Variants in GPR158 observed in about 807,000 individuals in gnomAD.
GPR158 encodes G protein-coupled receptor 158, also known as metabotropic glycine receptor.
In GPR158, 30 loss-of-function variants were observed where a neutral mutation model predicts 78.2. The ratio of observed to expected loss-of-function variants is 0.38; its 90% confidence interval spans 0.29 to 0.52. The LOEUF is 0.52. Ranked by LOEUF, GPR158 falls within the 20% of genes least tolerant of loss-of-function variation. The probability of loss-of-function intolerance (pLI) is 0.83; values close to 1 mark genes in which losing one functional copy is unlikely to be tolerated. For missense variants in GPR158, 1,463 were observed against 1,523.5 expected (o/e 0.96, Z 0.66); for synonymous variants, 581 against 591.1 (o/e 0.98, Z 0.25).
At position 25,532,740 on chromosome 10, in the gene GPR158, TA is replaced by T. The variant is rs5783940; in HGVS notation, c.1405-18223del. Among the ~76,000 whole-genome samples the T allele has an allele frequency of 3.9e-3, 580 of 147,646 alleles. 1 individual carries two copies. Among genetic ancestry groups the T allele is most frequent in the East Asian group, 0.012 (60 of 4,996 alleles). ...TATTACAAAAGTGACACATTTGTTG[TA>T]AAAAAAAAAAAATACCAAAGCATAT... On this transcript the variant is annotated intron_variant, in intron 5 of 10. Coordinates refer to ENST00000376351, the MANE Select transcript of GPR158 (RefSeq NM_020752.3).
chr10:25,452,173 G>A (rs1252056044), intron 4 of GPR158, among the ~76,000 whole-genome samples: 2 of 151,306 alleles, frequency 1.3e-5, no homozygotes, highest in African/African-American at 4.9e-5. Flanking sequence ...TGGTAGCTGG[G>A]ACAACAGATG....
intron 1 of GPR158, among the ~76,000 whole-genome samples, chr10:25,190,279 C>G (rs1382626753): frequency 6.6e-6 from 1 of 152,116 alleles, no homozygotes; most frequent in East Asian, 1.9e-4. Flanking sequence ...GAACTTATCA[C>G]AAATGAATTT....
chr10:25,554,069 C>A (rs538672763), intron 6 of GPR158, among the ~76,000 whole-genome samples: 1 of 152,142 alleles, frequency 6.6e-6, no homozygotes, highest in South Asian at 2.1e-4. Flanking sequence ...AAACAGGATT[C>A]ATTGGAAGGA....
At chr10:25,512,060 G>C (rs1054088002) in intron 5 of GPR158, among the ~76,000 whole-genome samples, 1 of 151,986 alleles carries the variant, frequency 6.6e-6, no homozygotes, top group Non-Finnish European at 1.5e-5. Context: ...GTTTTTCCTA[G>C]TTCTGTGAAG....
chr10:25,376,357 T>A (rs1256198876), intron 2 of GPR158, among the ~76,000 whole-genome samples: 2 of 151,572 alleles, frequency 1.3e-5, no homozygotes, highest in African/African-American at 4.8e-5. Flanking sequence ...AATTATAGGG[T>A]TTTTTTGTTT....
intron 5 of GPR158, among the ~76,000 whole-genome samples, chr10:25,517,620 T>C (rs1332495554): frequency 6.6e-6 from 1 of 152,140 alleles, no homozygotes; most frequent in African/African-American, 2.4e-5. Flanking sequence ...TCTGCATCTA[T>C]TGAGATAATC....
At chr10:25,592,289 A>G (rs2130750649) in intron 8 of GPR158, among the ~76,000 whole-genome samples, 1 of 152,178 alleles carries the variant, frequency 6.6e-6, no homozygotes, top group African/African-American at 2.4e-5. Context: ...AACTAACAGC[A>G]AAGAATTAAG....
chr10:25,542,784 A>G (rs778742860), intron 5 of GPR158, among the ~76,000 whole-genome samples: 1 of 140,744 alleles, frequency 7.1e-6, no homozygotes, highest in Non-Finnish European at 1.5e-5. Context: ...AGATCACACC[A>G]TTGCACTCCA....
intron 2 of GPR158, among the ~76,000 whole-genome samples, chr10:25,366,536 T>C (rs1855726887): frequency 6.6e-6 from 1 of 151,864 alleles, no homozygotes; most frequent in East Asian, 1.9e-4. Flanking sequence ...ACTAAAATAT[T>C]AATTACCTCA....
intron 5 of GPR158, among the ~76,000 whole-genome samples, chr10:25,475,257 C>T (rs1429820718): frequency 1.3e-5 from 2 of 152,008 alleles, no homozygotes; most frequent in African/African-American, 2.4e-5. Flanking sequence ...TTCTAATATG[C>T]TTGTAAGGAA....
At chr10:25,259,363 C>A (rs1166002361) in intron 2 of GPR158, among the ~76,000 whole-genome samples, 1 of 152,052 alleles carries the variant, frequency 6.6e-6, no homozygotes, top group Non-Finnish European at 1.5e-5. Flanking sequence ...TCTCAGACAA[C>A]TTTTTTGGTC....
chr10:25,345,766 G>A (rs1019266245), intron 2 of GPR158, among the ~76,000 whole-genome samples: 2 of 151,934 alleles, frequency 1.3e-5, no homozygotes, highest in East Asian at 3.9e-4. Flanking sequence ...TTATTTTATA[G>A]GTAGGGAAAC....
chr10:25,232,977 T>C (rs947006714), intron 2 of GPR158, among the ~76,000 whole-genome samples: 6 of 152,108 alleles, frequency 3.9e-5, no homozygotes, highest in Admixed American at 2.0e-4. Context: ...AAAAGACCAT[T>C]GAAAACAGAA....
intron 5 of GPR158, among the ~76,000 whole-genome samples, chr10:25,515,115 C>T (rs1836145290): frequency 6.6e-6 from 1 of 151,952 alleles, no homozygotes; most frequent in Admixed American, 6.6e-5. Context: ...GTTTTCCAAA[C>T]TTTTCTTCCT....
intron 1 of GPR158, among the ~76,000 whole-genome samples, chr10:25,194,575 GA>G (rs1479126053): frequency 6.6e-6 from 1 of 152,060 alleles, no homozygotes; most frequent in African/African-American, 2.4e-5. Context: ...GGAAGAGCCA[GA>G]AGTGAGACGA....
chr10:25,590,924 AAATTTC>A, intron 8 of GPR158, among the ~76,000 whole-genome samples: 1 of 152,290 alleles, frequency 6.6e-6, no homozygotes, highest in Admixed American at 6.5e-5. Context: ...TTTCATCATT[AAATTTC>A]ATTTCTCAAT....
intron 5 of GPR158, among the ~76,000 whole-genome samples, chr10:25,515,690 G>A (rs1345402887): frequency 1.3e-5 from 2 of 148,802 alleles, no homozygotes; most frequent in African/African-American, 2.5e-5. Context: ...CCCTACAAAG[G>A]ACATGAACTC....
Position 25,498,580 on chromosome 10 carries a change from A to G in GPR158, c.1404+31861A>G, listed in dbSNP as rs538261433. 6.6e-5 allele frequency among the ~76,000 whole-genome samples: 10 copies of G among 152,274 alleles called. No individual in the cohort carries two copies. The South Asian group carries it at 2.1e-3, about 32-fold the overall frequency. Reference sequence around the variant, plus strand: ...TCACTTCTGTAATGTGTTGAAGGTAAAGCCATAGATGTTTGCACAATATCG... The same window carrying G: ...TCACTTCTGTAATGTGTTGAAGGTAGAGCCATAGATGTTTGCACAATATCG... On this transcript the variant is annotated intron_variant, in intron 5 of 10. Transcript: ENST00000376351.
intron 2 of GPR158, among the ~76,000 whole-genome samples, chr10:25,308,855 T>G (rs1286185294): frequency 6.6e-6 from 1 of 152,200 alleles, no homozygotes; most frequent in African/African-American, 2.4e-5. Flanking sequence ...TCCTCGAGAT[T>G]CATCTGTGTC....
Sources: allele counts gnomAD v4.1 joint callset (sites outside exome capture counted in the v4.1 genomes callset), GRCh38; gene constraint gnomAD v4.1.1; transcripts MANE v1.5; gene names NCBI Gene and HGNC (gene_info 2026-07-23, HGNC 2026-07-21).